MACROD2: variants seen among roughly 807,000 people sequenced by gnomAD.
MACROD2 encodes the protein ADP-ribose glycohydrolase MACROD2.
MACROD2 carries 36 observed loss-of-function variants against 70.4 expected under a neutral mutation model. The observed-to-expected ratio is 0.51, with a 90% CI of 0.39 to 0.68. MACROD2 has a LOEUF of 0.68. MACROD2 is among the 30% of genes least tolerant of loss of function. The pLI is 0.00. For synonymous variants in MACROD2, 172 were observed against 178.8 expected (o/e 0.96, Z 0.30); for missense variants, 496 against 538.4 (o/e 0.92, Z 0.78).
intron 3 of MACROD2, among the ~76,000 whole-genome samples, chr20:14,370,488 A>C (rs931079160): frequency 1.3e-5 from 2 of 152,142 alleles, no homozygotes; most frequent in Non-Finnish European, 2.9e-5. Flanking sequence ...AAAAATTTAC[A>C]TAGACTCTTT....
intron 6 of MACROD2, among the ~76,000 whole-genome samples, chr20:15,279,812 G>A (rs988052208): frequency 6.6e-6 from 1 of 152,062 alleles, no homozygotes; most frequent in African/African-American, 2.4e-5. Context: ...GGCTTTGTAG[G>A]TATCATCTTA....
chr20:15,785,841 G>GA (rs1397726649), intron 8 of MACROD2, among the ~76,000 whole-genome samples: 6 of 151,898 alleles, frequency 4.0e-5, no homozygotes, highest in Non-Finnish European at 7.4e-5. Context: ...TGGACCAGTT[G>GA]AAAAAATAAG....
In MACROD2 at chr20:15,985,628, C is replaced by T. The variant is rs146593489; in HGVS notation, c.986-1099C>T. 4.6e-5 allele frequency among the ~76,000 whole-genome samples: 7 copies of T among 152,318 alleles called. No individual in the cohort carries two copies. The South Asian group carries it at 8.3e-4, about 18-fold the overall frequency. On this transcript the variant is annotated intron_variant, in intron 13 of 17. Coordinates refer to ENST00000684519, the MANE Select transcript of MACROD2 (RefSeq NM_001351661.2). ...CGTTCCACTGGGGCAATTTCCTACC[C>T]GGGAGTGCTCTTTGGATCCTGTCAC...
rs1233833556 is a variant in MACROD2 at position 15,046,745 on chromosome 20, A to G, written c.419-183195A>G. Among the ~76,000 whole-genome samples the G allele has an allele frequency of 2.6e-5, 4 of 152,180 alleles. No homozygotes were observed. In the East Asian group the frequency reaches 7.7e-4, roughly 29 times the overall value. On this transcript the variant is annotated intron_variant, in intron 5 of 17. Transcript: ENST00000684519. ...GCTACAGTCCCCTCACTTCTGGACT[A>G]TCACAACACCTGTCCAGTTGGCCTC...
intron 6 of MACROD2, among the ~76,000 whole-genome samples, chr20:15,258,647 A>G (rs1386733429): frequency 6.6e-6 from 1 of 152,098 alleles, no homozygotes; most frequent in East Asian, 1.9e-4. Context: ...ATCACCTAGC[A>G]AAGCATTTCT....
intron 6 of MACROD2, among the ~76,000 whole-genome samples, chr20:15,380,352 G>A (rs370686401): frequency 6.6e-6 from 1 of 151,348 alleles, no homozygotes; most frequent in Non-Finnish European, 1.5e-5. Context: ...GTGGTTGACT[G>A]TAAAAATTCC....
chr20:14,692,424 G>A (rs1322277026), intron 5 of MACROD2, among the ~76,000 whole-genome samples: 1 of 152,022 alleles, frequency 6.6e-6, no homozygotes, highest in Admixed American at 6.6e-5. Flanking sequence ...TTGTTTATTT[G>A]TTTATTACCT....
At chr20:15,747,153 A>G (rs1266612551) in intron 8 of MACROD2, among the ~76,000 whole-genome samples, 1 of 152,176 alleles carries the variant, frequency 6.6e-6, no homozygotes, top group Non-Finnish European at 1.5e-5. Context: ...TCCCTCTACC[A>G]TAATAAGGAG....
intron 5 of MACROD2, among the ~76,000 whole-genome samples, chr20:14,859,224 A>G (rs1423612061): frequency 6.6e-6 from 1 of 152,120 alleles, no homozygotes; most frequent in South Asian, 2.1e-4. Context: ...CCCAAAAACT[A>G]TTGAAATTAA....
intron 10 of MACROD2, among the ~76,000 whole-genome samples, chr20:15,901,532 T>C (rs2065064674): frequency 6.6e-6 from 1 of 152,212 alleles, no homozygotes; most frequent in African/African-American, 2.4e-5. Context: ...CAGCAGTTTT[T>C]GGATATTGTT....
Position 15,068,373 on chromosome 20 carries a change from G to T in MACROD2, c.419-161567G>T, listed in dbSNP as rs569718098. 1.2e-3 allele frequency among the ~76,000 whole-genome samples: 182 copies of T among 152,254 alleles called. 1 individual carries two copies. The highest frequency in any genetic ancestry group is 2.1e-3 in the Non-Finnish European group (141 of 68,014). On this transcript the variant is annotated intron_variant, in intron 5 of 17. Transcript: ENST00000684519. Reference sequence around the variant, plus strand: ...TTGGTCATGATTTTGAACCATTGGTGTGCACAGAACAAATGCAGAAATGTT... The same window carrying T: ...TTGGTCATGATTTTGAACCATTGGTTTGCACAGAACAAATGCAGAAATGTT...
intron 4 of MACROD2, among the ~76,000 whole-genome samples, chr20:14,574,759 C>T (rs976693040): frequency 2.0e-5 from 3 of 151,008 alleles, no homozygotes; most frequent in Non-Finnish European, 2.9e-5. Flanking sequence ...CGCCTGTAAT[C>T]CCAGCACTTT....
chr20:16,025,615 T>TGGCGGGTTGGGGGAC (rs149701055), intron 15 of MACROD2, among the ~76,000 whole-genome samples: 5,461 of 151,442 alleles, frequency 0.036, 279 homozygotes, highest in East Asian at 0.15. Flanking sequence ...CGCCTGGGGA[T>TGGCGGGTTGGGGGAC]GGCGGGTTGG....
chr20:15,719,969 C>CTTGGT (rs2050764907), intron 8 of MACROD2, among the ~76,000 whole-genome samples: 1 of 152,124 alleles, frequency 6.6e-6, no homozygotes, highest in African/African-American at 2.4e-5. Flanking sequence ...CTACCCTCCC[C>CTTGGT]AGTCTTTGGT....
chr20:15,217,586 C>G (rs185225941), intron 5 of MACROD2, among the ~76,000 whole-genome samples: 13 of 152,186 alleles, frequency 8.5e-5, no homozygotes, highest in Admixed American at 7.2e-4. Context: ...TTTTCCTACT[C>G]ATACCAAATC....
At chr20:15,279,829 C>A (rs1412749450) in intron 6 of MACROD2, among the ~76,000 whole-genome samples, 2 of 151,976 alleles carry the variant, frequency 1.3e-5, no homozygotes, top group Admixed American at 6.6e-5. Flanking sequence ...CTTATTTAAC[C>A]CAGTGCAAAA....
chr20:14,481,526 C>T (rs1788412356), intron 3 of MACROD2, among the ~76,000 whole-genome samples: 1 of 152,078 alleles, frequency 6.6e-6, no homozygotes, highest in Admixed American at 6.6e-5. Context: ...TATGTAAATG[C>T]TATTTTTTCT....
intron 3 of MACROD2, among the ~76,000 whole-genome samples, chr20:14,086,815 G>T (rs2054081723): frequency 6.6e-6 from 1 of 152,142 alleles, no homozygotes; most frequent in Admixed American, 6.5e-5. Flanking sequence ...GTTGCAAGGT[G>T]GTCATCTGTC....
chr20:15,338,964 G>A (rs960722983), intron 6 of MACROD2, among the ~76,000 whole-genome samples: 6 of 151,766 alleles, frequency 4.0e-5, no homozygotes, highest in African/African-American at 1.5e-4. Context: ...CATTTCATTT[G>A]GCAGCCACTG....
Sources: allele counts gnomAD v4.1 joint callset (sites outside exome capture counted in the v4.1 genomes callset), GRCh38; gene constraint gnomAD v4.1.1; transcripts MANE v1.5; gene names NCBI Gene and HGNC (gene_info 2026-07-23, HGNC 2026-07-21).